Variants in SCGN observed in about 807,000 individuals in gnomAD.
The protein encoded by SCGN is secretagogin, EF-hand calcium binding protein.
In SCGN, 30 loss-of-function variants were observed where a neutral mutation model predicts 39.7. That is an observed-to-expected ratio of 0.76 (90% CI 0.57 to 1.03). SCGN has a LOEUF of 1.03. SCGN is among the 50% of genes least tolerant of loss of function. The probability of loss-of-function intolerance (pLI) is 0.00; values close to 1 mark genes in which losing one functional copy is unlikely to be tolerated. For missense variants in SCGN, 353 were observed against 349.4 expected, an observed-to-expected ratio of 1.01 and a Z score of -0.08; for synonymous variants, 106 against 114.1, an observed-to-expected ratio of 0.93 and a Z score of 0.45.
At chr6:25,661,879 G>T (rs551889620) in intron 3 of SCGN, among the ~76,000 whole-genome samples, 2 of 152,118 alleles carry the variant, frequency 1.3e-5, no homozygotes, top group East Asian at 3.9e-4. Flanking sequence ...TTTTATTTAG[G>T]TCAATCAATA....
chr6:25,697,139 A>C (rs1232570206), intron 10 of SCGN, among the ~76,000 whole-genome samples: 1 of 152,162 alleles, frequency 6.6e-6, no homozygotes, highest in Non-Finnish European at 1.5e-5. Flanking sequence ...ATCCTAAAGG[A>C]ACACCAATGT....
At position 25,653,400 on chromosome 6, in the gene SCGN, A is replaced by T. The variant is rs114715750; in HGVS notation, c.101A>T (p.Glu34Val). Residue 34 changes from glutamate to valine, a missense_variant, in exon 2 of 11, where the codon GAG becomes GTG. Glu to Val is a moderately radical substitution (Grantham distance 121, BLOSUM62 -2). Coordinates refer to ENST00000377961, the MANE Select transcript of SCGN (RefSeq NM_006998.4). ...CATTTAGAAAAAGGTTACATAGAAG[A>T]GAAGGAACTCGATGCTTTCTTTCTC... The part of the protein sequence containing the change: ...FDADEKGYIE[E>V]KELDAFFLHM... 205 of 1,612,102 alleles carry T rather than the reference A, an allele frequency of 1.3e-4. No individual in the cohort carries two copies. In the African/African-American group the frequency reaches 2.4e-3, roughly 19 times the overall value.
intron 7 of SCGN, among the ~76,000 whole-genome samples, chr6:25,688,279 T>C (rs1271237721): frequency 6.6e-6 from 1 of 152,176 alleles, no homozygotes; most frequent in African/African-American, 2.4e-5. Flanking sequence ...TTGATGACTT[T>C]TGTTGTTTAT....
At chr6:25,655,658 G>T (rs1001238355) in intron 2 of SCGN, among the ~76,000 whole-genome samples, 1 of 143,546 alleles carries the variant, frequency 7.0e-6, no homozygotes, top group Non-Finnish European at 1.6e-5. Context: ...GTATGCCTGA[G>T]AATTATATTT....
chr6:25,664,383 A>G (rs922452263), intron 3 of SCGN, among the ~76,000 whole-genome samples: 6 of 152,206 alleles, frequency 3.9e-5, no homozygotes, highest in Non-Finnish European at 8.8e-5. Context: ...AAGCTGAAAT[A>G]TTGACTTCAT....
chr6:25,683,244 G>T (rs1182477138), intron 7 of SCGN, among the ~76,000 whole-genome samples: 1 of 152,174 alleles, frequency 6.6e-6, no homozygotes, highest in Non-Finnish European at 1.5e-5. Context: ...GGTCAATGGA[G>T]GCAGGGTTCC....
At chr6:25,688,161 C>A (rs1256932146) in intron 7 of SCGN, among the ~76,000 whole-genome samples, 1 of 152,156 alleles carries the variant, frequency 6.6e-6, no homozygotes, top group African/African-American at 2.4e-5. Context: ...TTTACCGCTC[C>A]TGGTGCTCTT....
At chr6:25,697,098 G>A (rs1759848453) in intron 10 of SCGN, among the ~76,000 whole-genome samples, 1 of 152,188 alleles carries the variant, frequency 6.6e-6, no homozygotes, top group African/African-American at 2.4e-5. Context: ...CCCAGTATCT[G>A]AGCAGACGTT....
chr6:25,683,357 C>G (rs1457426692), intron 7 of SCGN, among the ~76,000 whole-genome samples: 1 of 152,168 alleles, frequency 6.6e-6, no homozygotes, highest in East Asian at 1.9e-4. Context: ...AGCTTGCAAT[C>G]TCATGGTTCC....
chr6:25,666,016 GTTAT>G (rs10585201), intron 4 of SCGN, among the ~76,000 whole-genome samples: 148,804 of 149,864 alleles, frequency 0.99, 73,882 homozygotes, highest in Middle Eastern at 1. Flanking sequence ...ATTATCCACA[GTTAT>G]TTATTTATTT....
intron 2 of SCGN, among the ~76,000 whole-genome samples, chr6:25,655,783 C>A (rs992719030): frequency 6.6e-6 from 1 of 152,070 alleles, no homozygotes; most frequent in Admixed American, 6.6e-5. Context: ...TGTTTTTTTA[C>A]CCTTTTTTCC....
intron 2 of SCGN, among the ~76,000 whole-genome samples, chr6:25,658,335 A>T (rs1760265199): frequency 6.6e-6 from 1 of 151,338 alleles, no homozygotes; most frequent in Admixed American, 6.6e-5. Flanking sequence ...CACCATGCCC[A>T]TCTGGTATTC....
chr6:25,652,389 T>G lies in SCGN; in HGVS notation c.-15T>G. On this transcript the variant is annotated 5_prime_UTR_variant, in exon 1 of 11. Transcript: ENST00000377961. ...GGTCCTTCCGCGCCGGTGCCTGGTC[T>G]TCGTCGTCAACACCATGGACAGCTC... 1 of 1,613,668 alleles carries G rather than the reference T, an allele frequency of 6.2e-7. No homozygotes were observed. The highest frequency in any genetic ancestry group is 8.5e-7 in the Non-Finnish European group (1 of 1,179,644).
chr6:25,661,494 C>T (rs1434779587), intron 2 of SCGN, 58 bp from the exon 3 acceptor site: 3 of 1,156,782 alleles, frequency 2.6e-6, no homozygotes, highest in South Asian at 1.3e-5. Context: ...ATTTGCCATC[C>T]TAACTATATC....
intron 6 of SCGN, among the ~76,000 whole-genome samples, chr6:25,677,544 A>T (rs575702309): frequency 1.3e-5 from 2 of 152,242 alleles, no homozygotes; most frequent in African/African-American, 4.8e-5. Flanking sequence ...TTAAAAAAAT[A>T]ACTGCTAAAG....
In SCGN at chr6:25,660,119, G is replaced by A. The variant is rs114473411; in HGVS notation, c.154-1433G>A. On this transcript the variant is annotated intron_variant, in intron 2 of 10. Transcript: ENST00000377961. ...TAGTACATTTTTTTCTGCCTCCCAG[G>A]GCCGTTGTGAAGATCCAGGGAGATA... Among the ~76,000 whole-genome samples, 831 of 152,240 alleles carry A rather than the reference G, an allele frequency of 5.5e-3. 12 individuals carry two copies. Among genetic ancestry groups the A allele is most frequent in the African/African-American group, 0.019 (791 of 41,550 alleles).
chr6:25,658,002 CCTTTTTTTTTTTTTTTTT>C (rs1760258116), intron 2 of SCGN, among the ~76,000 whole-genome samples: 2 of 47,646 alleles, frequency 4.2e-5, no homozygotes, highest in African/African-American at 1.5e-4. Flanking sequence ...AGAAAGGTAT[CCTTTTTTTTTTTTTTTTT>C]TTTTTTTTTT....
At chr6:25,673,601 G>C (rs1423537787) in intron 6 of SCGN, among the ~76,000 whole-genome samples, 1 of 152,174 alleles carries the variant, frequency 6.6e-6, no homozygotes, top group East Asian at 1.9e-4. Flanking sequence ...TAAGTATCTA[G>C]GTTGAGAACT....
At chr6:25,657,764 C>G (rs1159201811) in intron 2 of SCGN, among the ~76,000 whole-genome samples, 1 of 150,068 alleles carries the variant, frequency 6.7e-6, no homozygotes, top group Non-Finnish European at 1.5e-5. Flanking sequence ...GCTAGGGTAG[C>G]CTTTGGAGGA....
Sources: gnomAD v4.1 joint callset for allele counts (sites outside exome capture counted in the v4.1 genomes callset) on GRCh38, gnomAD v4.1.1 for gene constraint, MANE v1.5 for transcripts, NCBI Gene and HGNC (gene_info 2026-07-23, HGNC 2026-07-21) for gene names.